Variants in TEX2 observed in about 807,000 individuals in gnomAD.
The protein encoded by TEX2 is testis expressed 2, also known as testis-expressed protein 2.
A neutral mutation model predicts 106.9 loss-of-function variants in TEX2; 53 were observed. The ratio of observed to expected loss-of-function variants is 0.50; its 90% CI spans 0.40 to 0.62. The LOEUF is 0.62. Among genes scored for constraint, TEX2 ranks in the 20% least tolerant of loss-of-function variants. The pLI, the probability that TEX2 is intolerant of heterozygous loss-of-function variation, is 0.00. For synonymous variants in TEX2, 523 were observed against 534.8 expected, an observed-to-expected ratio of 0.98 and a Z score of 0.30; for missense variants, 1,207 against 1,379.0, an observed-to-expected ratio of 0.88 and a Z score of 1.98.
intron 1 of TEX2, among the ~76,000 whole-genome samples, chr17:64,238,421 T>C (rs1416794773): frequency 6.6e-6 from 1 of 152,248 alleles, no homozygotes; most frequent in Non-Finnish European, 1.5e-5. Flanking sequence ...ATAAAAATTA[T>C]TTAAATTTTG....
At chr17:64,220,341 C>A (rs1555633144) in intron 1 of TEX2, among the ~76,000 whole-genome samples, 1 of 152,026 alleles carries the variant, frequency 6.6e-6, no homozygotes, top group African/African-American at 2.4e-5. Context: ...GCAACAAAAG[C>A]AAAAACTGAC....
chr17:64,234,519 G>T (rs2033726229), intron 1 of TEX2, among the ~76,000 whole-genome samples: 1 of 152,148 alleles, frequency 6.6e-6, no homozygotes, highest in Non-Finnish European at 1.5e-5. Context: ...ATACCACCCA[G>T]ATAACTCAAC....
At chr17:64,172,059 A>G (rs904397852) in intron 6 of TEX2, among the ~76,000 whole-genome samples, 8 of 152,016 alleles carry the variant, frequency 5.3e-5, no homozygotes, top group Admixed American at 5.2e-4. Flanking sequence ...AATCCTTGAA[A>G]AACAGCACAT....
intron 7 of TEX2, among the ~76,000 whole-genome samples, chr17:64,168,307 G>C (rs1356216775): frequency 6.6e-6 from 1 of 152,098 alleles, no homozygotes; most frequent in Non-Finnish European, 1.5e-5. Context: ...GGAAAAACCT[G>C]ATTTGATCAA....
chr17:64,229,912 G>A (rs1408913547), intron 1 of TEX2, among the ~76,000 whole-genome samples: 2 of 152,076 alleles, frequency 1.3e-5, no homozygotes, highest in Admixed American at 1.3e-4. Flanking sequence ...TTCAAAAACT[G>A]AAAAAACTCT....
chr17:64,247,605 C>T (rs1258583354), intron 1 of TEX2, among the ~76,000 whole-genome samples: 1 of 152,158 alleles, frequency 6.6e-6, no homozygotes, highest in Non-Finnish European at 1.5e-5. Context: ...GGATGCCCCG[C>T]GCGGGGAGCC....
At chr17:64,247,502 T>G (rs1175171497) in intron 1 of TEX2, among the ~76,000 whole-genome samples, 1 of 151,074 alleles carries the variant, frequency 6.6e-6, no homozygotes, top group Non-Finnish European at 1.5e-5. Context: ...TTCTAGGATT[T>G]GAGGGGAGTG....
intron 7 of TEX2, among the ~76,000 whole-genome samples, chr17:64,165,728 G>A (rs983529730): frequency 6.6e-6 from 1 of 151,932 alleles, no homozygotes; most frequent in East Asian, 1.9e-4. Flanking sequence ...AGTGGATCCT[G>A]GTAGGATCCA....
chr17:64,221,466 T>C (rs2033358381), intron 1 of TEX2, among the ~76,000 whole-genome samples: 1 of 152,170 alleles, frequency 6.6e-6, no homozygotes, highest in Admixed American at 6.5e-5. Flanking sequence ...TCACTAGTTA[T>C]TAGGAAAATG....
At chr17:64,176,463 C>T (rs2031621611) in intron 6 of TEX2, among the ~76,000 whole-genome samples, 1 of 152,182 alleles carries the variant, frequency 6.6e-6, no homozygotes, top group South Asian at 2.1e-4. Flanking sequence ...TCAAAAATGT[C>T]TCTGATCCAT....
At chr17:64,196,010 T>C (rs1227390782) in intron 2 of TEX2, among the ~76,000 whole-genome samples, 1 of 152,250 alleles carries the variant, frequency 6.6e-6, no homozygotes, top group African/African-American at 2.4e-5. Flanking sequence ...GTCTTTGTAA[T>C]GAGCAGAGAG....
chr17:64,256,883 A>T (rs1598236020), intron 1 of TEX2, among the ~76,000 whole-genome samples: 1 of 152,238 alleles, frequency 6.6e-6, no homozygotes, highest in East Asian at 1.9e-4. Context: ...AATACAGCCC[A>T]AAAGACAGCA....
intron 1 of TEX2, among the ~76,000 whole-genome samples, chr17:64,251,272 G>A (rs1193617049): frequency 6.6e-6 from 1 of 152,114 alleles, no homozygotes; most frequent in East Asian, 1.9e-4. Flanking sequence ...GTTTCCACTC[G>A]AGAGTTCCGA....
chr17:64,257,708 TTAA>T (rs2034209221), intron 1 of TEX2, among the ~76,000 whole-genome samples: 1 of 152,196 alleles, frequency 6.6e-6, no homozygotes, highest in South Asian at 2.1e-4. Flanking sequence ...CTTATTTTAC[TTAA>T]TAACAGCCCC....
intron 2 of TEX2, among the ~76,000 whole-genome samples, chr17:64,208,613 C>G (rs2032911363): frequency 6.6e-6 from 1 of 151,464 alleles, no homozygotes; most frequent in African/African-American, 2.4e-5. Context: ...TTTTTTAAAG[C>G]AAGCATCAAG....
At position 64,154,967 on chromosome 17, in the gene TEX2, A is replaced by C. The variant is rs2030550204; in HGVS notation, c.2805T>G (p.Gly935=). The change falls in exon 9 of 12, where the codon GGT becomes GGG. Residue 935 remains glycine (G), a splice_region_variant and synonymous_variant. Transcript: ENST00000584379. The stretch of plus-strand genomic sequence containing the variant: ...CCAGACAGAATGCCCGGGGCCTGCA[A>C]CTGGACAGAGAGAGAGTCACCACCA... ...ALKVGEIGKE[G]CRPRAFCLAD... 1 of 1,580,842 alleles carries C rather than the reference A, an allele frequency of 6.3e-7. No individual in the cohort carries two copies. Among genetic ancestry groups the C allele is most frequent in the Non-Finnish European group, 8.6e-7 (1 of 1,167,444 alleles).
chr17:64,191,433 G>A (rs2032292089), intron 4 of TEX2, among the ~76,000 whole-genome samples: 1 of 152,204 alleles, frequency 6.6e-6, no homozygotes, highest in Non-Finnish European at 1.5e-5. Context: ...CTGAGCTTCA[G>A]TGCCTAGACC....
intron 1 of TEX2, among the ~76,000 whole-genome samples, chr17:64,242,921 AAAAAAAAAAATT>A (rs1555635896): frequency 2.0e-5 from 3 of 150,482 alleles, no homozygotes; most frequent in African/African-American, 7.3e-5. Flanking sequence ...CCCATCTCTA[AAAAAAAAAAATT>A]TTTTTTTTTT....
intron 2 of TEX2, among the ~76,000 whole-genome samples, chr17:64,196,776 G>A (rs1412848377): frequency 1.3e-5 from 2 of 152,008 alleles, no homozygotes; most frequent in Non-Finnish European, 2.9e-5. Flanking sequence ...TACATTCATT[G>A]ACTTTCAAAT....
Sources: allele counts gnomAD v4.1 joint callset (sites outside exome capture counted in the v4.1 genomes callset), GRCh38; gene constraint gnomAD v4.1.1; transcripts MANE v1.5; gene names NCBI Gene and HGNC (gene_info 2026-07-23, HGNC 2026-07-21).